VWF: variants seen among roughly 807,000 people sequenced by gnomAD.
VWF encodes the protein von Willebrand factor.
VWF carries 176 observed loss-of-function variants against 308.6 expected under a neutral mutation model. The observed-to-expected ratio is 0.57, with a 90% CI of 0.50 to 0.65. VWF has a LOEUF of 0.65. Ranked by LOEUF, VWF falls within the 30% of genes least tolerant of loss-of-function variation. The pLI is 0.00. For synonymous variants in VWF, 1,385 were observed against 1,443.4 expected (o/e 0.96, Z 0.92); for missense variants, 3,146 against 3,648.2 (o/e 0.86, Z 3.55).
At chr12:6,102,406 C>T (rs896124913) in intron 5 of VWF, among the ~76,000 whole-genome samples, 3 of 151,502 alleles carry the variant, frequency 2.0e-5, no homozygotes, top group South Asian at 2.1e-4. Flanking sequence ...TGCTCTGCTG[C>T]ACTCCAGACT....
intron 34 of VWF, among the ~76,000 whole-genome samples, chr12:5,997,789 A>G (rs1943822507): frequency 6.6e-6 from 1 of 152,276 alleles, no homozygotes; most frequent in East Asian, 1.9e-4. Flanking sequence ...CTCCCAACAA[A>G]CCATCACATT....
chr12:6,084,703 G>C (rs1944949297), intron 6 of VWF, among the ~76,000 whole-genome samples: 1 of 152,190 alleles, frequency 6.6e-6, no homozygotes, highest in Non-Finnish European at 1.5e-5. Context: ...CTAATACATA[G>C]AGTGCAATAT....
At chr12:5,955,590 G>T (rs1943239511) in intron 47 of VWF, among the ~76,000 whole-genome samples, 1 of 152,002 alleles carries the variant, frequency 6.6e-6, no homozygotes. Context: ...GTGTATATGT[G>T]CCACATTTTC....
chr12:5,952,638 A>C, intron 48 of VWF, 119 bp from the exon 49 acceptor site: 5 of 1,394,776 alleles, frequency 3.6e-6, no homozygotes, highest in Non-Finnish European at 4.9e-6. Flanking sequence ...TGAAACAAGA[A>C]GACAGTGTAT....
chr12:5,986,003 T>G (rs1310418688), intron 38 of VWF, among the ~76,000 whole-genome samples: 1 of 152,196 alleles, frequency 6.6e-6, no homozygotes, highest in Non-Finnish European at 1.5e-5. Flanking sequence ...ATTGGGTTGT[T>G]GCTTGGGGAA....
chr12:6,071,719 G>A (rs747155341), intron 9 of VWF, among the ~76,000 whole-genome samples: 4 of 152,328 alleles, frequency 2.6e-5, no homozygotes, highest in African/African-American at 4.8e-5. Flanking sequence ...TGTGGTGGGC[G>A]GTGGCCGACT....
chr12:5,953,648 A>G (rs778667801), intron 47 of VWF, 54 bp from the exon 48 acceptor site: 85 of 1,436,442 alleles, frequency 5.9e-5, no homozygotes, highest in Non-Finnish European at 7.6e-5. Context: ...AAACATCCCA[A>G]TTGTAAGTAG....
chr12:5,998,239 C>G (rs1943828460), intron 34 of VWF, among the ~76,000 whole-genome samples: 1 of 151,630 alleles, frequency 6.6e-6, no homozygotes, highest in African/African-American at 2.4e-5. Flanking sequence ...TGGCTCATAC[C>G]TGTAATCTCA....
rs957978456 is a variant in VWF at position 6,024,210 on chromosome 12, T to C, written c.3223-423A>G. Among the ~76,000 whole-genome samples the C allele has an allele frequency of 6.6e-6, 1 of 152,206 alleles. No homozygotes were observed. Among genetic ancestry groups the C allele is most frequent in the African/African-American group, 2.4e-5 (1 of 41,440 alleles). On this transcript the variant is annotated intron_variant, in intron 24 of 51. Transcript: ENST00000261405. This position sits in a 1 kb window ranked among gnomAD's most constrained non-coding sequence, Gnocchi z 4.0. ...CTTTGCCTCAATTCAGCAAAGAGAATGGGGAAATACATCAGGCCCTGCAGC... is the reference window on the plus strand; with the variant it reads ...CTTTGCCTCAATTCAGCAAAGAGAACGGGGAAATACATCAGGCCCTGCAGC...
chr12:5,966,445 T>C (rs1232430845), intron 47 of VWF, among the ~76,000 whole-genome samples: 2 of 152,208 alleles, frequency 1.3e-5, no homozygotes, highest in African/African-American at 4.8e-5. Flanking sequence ...CTGTGTCTCC[T>C]ACAGACCCAT....
At chr12:5,965,932 A>C (rs558144003) in intron 47 of VWF, among the ~76,000 whole-genome samples, 1 of 152,376 alleles carries the variant, frequency 6.6e-6, no homozygotes, top group Admixed American at 6.5e-5. Context: ...GAGAAAAAGA[A>C]GAAGAATACA....
rs777156745 is a variant in VWF, at chr12:6,025,948, C to T, written c.3066G>A (p.Gly1022=). Residue 1022 remains glycine, a synonymous_variant, in exon 23 of 52, where the codon GGG becomes GGA. Transcript: ENST00000261405. ...LQVEEDPVDF[G]NSWKVSSQCA... ...ACTGCGAGCTCACTTTCCAGGAGTT[C>T]CCAAAGTCCACAGGGTCTTCCTCCA... The T allele has an allele frequency of 3.1e-6, 5 of 1,613,948 alleles. No individual in the cohort carries two copies. In the South Asian group the frequency reaches 5.5e-5, roughly 18 times the overall value.
intron 6 of VWF, among the ~76,000 whole-genome samples, chr12:6,088,466 G>A (rs1352252773): frequency 7.5e-5 from 11 of 146,756 alleles, no homozygotes; most frequent in South Asian, 2.2e-4. Flanking sequence ...GCGACAGAGC[G>A]AGACTCTGTC....
Position 6,093,325 on chromosome 12 carries a change from G to C in VWF, c.657+2135C>G, listed in dbSNP as rs184895112. On this transcript the variant is annotated intron_variant, in intron 6 of 51. Coordinates refer to ENST00000261405, the MANE Select transcript of VWF (RefSeq NM_000552.5). The stretch of plus-strand genomic sequence containing the variant: ...AGTCATTCCTCAGGAATGGCCCTCA[G>C]CCCAAGGGAGTTCCACCTCCTTACC... Among the ~76,000 whole-genome samples the C allele has an allele frequency of 1.9e-3, 288 of 152,212 alleles. 1 individual carries two copies. Among genetic ancestry groups the C allele is most frequent in the African/African-American group, 5.0e-3 (207 of 41,546 alleles).
chr12:5,950,004 G>T, intron 50 of VWF, 121 bp from the exon 51 acceptor site: 1 of 827,378 alleles, frequency 1.2e-6, no homozygotes, highest in African/African-American at 1.7e-5. Context: ...AATAAAGCCA[G>T]CCACAGGGAG....
At chr12:5,997,131 C>A (rs2136388734) in intron 34 of VWF, among the ~76,000 whole-genome samples, 1 of 152,280 alleles carries the variant, frequency 6.6e-6, no homozygotes, top group South Asian at 2.1e-4. Context: ...TACTGTCAAG[C>A]AGCACAACCA....
Position 6,046,907 on chromosome 12 carries a change from T to A in VWF, c.2187-90A>T. The A allele has an allele frequency of 8.3e-7, 1 of 1,205,130 alleles. No homozygotes were observed. The highest frequency in any genetic ancestry group is 1.3e-5 in the South Asian group (1 of 78,530). The allele number at this position is 1,205,130 out of a possible 1,614,324, so 74.7% of individuals were successfully genotyped here. A position where few individuals can be genotyped will look rare whatever the true frequency, so the allele number is the denominator to read the frequency against. On this transcript the variant is annotated intron_variant, in intron 16 of 51. Coordinates refer to ENST00000261405, the MANE Select transcript of VWF (RefSeq NM_000552.5). This position sits in a 1 kb window ranked among gnomAD's most constrained non-coding sequence, Gnocchi z 5.0. ...TCACCTCCCACTCACTCTCTGCCCCTTCCAACCAGGTCCCAGTCCCATAAC... is the reference window on the plus strand; with the variant it reads ...TCACCTCCCACTCACTCTCTGCCCCATCCAACCAGGTCCCAGTCCCATAAC...
intron 45 of VWF, 116 bp downstream of exon 45, chr12:5,969,095 C>T (rs567672667): frequency 1.4e-5 from 17 of 1,177,368 alleles, no homozygotes; most frequent in South Asian, 6.7e-5. Flanking sequence ...GGGAAGATTT[C>T]GGTCCTATCC....
chr12:6,075,642 C>A lies in VWF; in HGVS notation c.658-91G>T, dbSNP rs946415846. 13 of 1,378,108 alleles carry A rather than the reference C, an allele frequency of 9.4e-6. No individual in the cohort carries two copies. Among genetic ancestry groups the A allele is most frequent in the Middle Eastern group, 2.1e-4 (1 of 4,772 alleles). The allele number at this position is 1,378,108 out of a possible 1,614,324, so 85.4% of individuals were successfully genotyped here. On this transcript the variant is annotated intron_variant, in intron 6 of 51. Transcript: ENST00000261405. This position sits in a 1 kb window ranked among gnomAD's most constrained non-coding sequence, Gnocchi z 4.7. ...CTTAGCCCTGCTAGGGAAACCAAGG[C>A]AGCTCCCTCAGCACCTGGGACAGGC...
Sources: gnomAD v4.1 joint callset for allele counts (sites outside exome capture counted in the v4.1 genomes callset) on GRCh38, gnomAD v4.1.1 for gene constraint, Gnocchi (gnomAD v3.1) non-coding constraint, MANE v1.5 for transcripts, NCBI Gene and HGNC (gene_info 2026-07-23, HGNC 2026-07-21) for gene names.